The following ZC2HC1A variants were observed in gnomAD, a reference collection of about 807,000 sequenced individuals.
The protein encoded by ZC2HC1A is zinc finger C2HC-type containing 1A, also known as zinc finger C2HC domain-containing protein 1A.
ZC2HC1A carries 28 observed loss-of-function variants against 40.7 expected under a neutral mutation model. The ratio of observed to expected loss-of-function variants is 0.69; its 90% CI spans 0.51 to 0.94. ZC2HC1A has a LOEUF of 0.94. Among genes scored for constraint, ZC2HC1A ranks in the 40% least tolerant of loss-of-function variants. ZC2HC1A has a pLI of 0.00. For synonymous variants in ZC2HC1A, 129 were observed against 129.2 expected (o/e 1.00, Z 0.01); for missense variants, 389 against 386.3 (o/e 1.01, Z -0.06).
intron 2 of ZC2HC1A, among the ~76,000 whole-genome samples, chr8:78,678,206 A>G (rs1370941691): frequency 6.6e-6 from 1 of 152,166 alleles, no homozygotes; most frequent in Non-Finnish European, 1.5e-5. Context: ...AATGCAGTCC[A>G]GTAGGTTTCA....
chr8:78,711,375 T>A (rs1175605917), intron 7 of ZC2HC1A, among the ~76,000 whole-genome samples: 1 of 152,090 alleles, frequency 6.6e-6, no homozygotes, highest in African/African-American at 2.4e-5. Flanking sequence ...TCAAAATGTG[T>A]GTGTGTATAT....
intron 3 of ZC2HC1A, among the ~76,000 whole-genome samples, chr8:78,684,212 T>A (rs936548328): frequency 6.6e-6 from 1 of 152,218 alleles, no homozygotes; most frequent in Non-Finnish European, 1.5e-5. Context: ...ATTTTCATAC[T>A]GCTATGAAGA....
rs148803177 is a variant in ZC2HC1A at position 78,690,330 on chromosome 8, C to A, written c.504+957C>A. Reference sequence around the variant, plus strand: ...ATCCCAGCACTTTGGGAGGCCAAGGCGGGCAGATCACGATTGTCAGGAGAT... The same window carrying A: ...ATCCCAGCACTTTGGGAGGCCAAGGAGGGCAGATCACGATTGTCAGGAGAT... On this transcript the variant is annotated intron_variant, in intron 5 of 8. Coordinates refer to ENST00000263849, the MANE Select transcript of ZC2HC1A (RefSeq NM_016010.3). 4.9e-3 allele frequency among the ~76,000 whole-genome samples: 751 copies of A among 152,218 alleles called. 5 individuals are homozygous for A. Among genetic ancestry groups the A allele is most frequent in the African/African-American group, 0.017 (716 of 41,544 alleles).
intron 7 of ZC2HC1A, among the ~76,000 whole-genome samples, chr8:78,708,682 TC>T (rs1810860331): frequency 2.3e-5 from 3 of 132,228 alleles, no homozygotes; most frequent in Non-Finnish European, 3.3e-5. Flanking sequence ...CTTTTTTTTT[TC>T]TTTTTTTTTT....
At chr8:78,703,189 G>A (rs755086976) in intron 7 of ZC2HC1A, among the ~76,000 whole-genome samples, 42 of 152,214 alleles carry the variant, frequency 2.8e-4, no homozygotes, top group South Asian at 1.7e-3. Context: ...GAGCCACCGC[G>A]CCTGGCCCAT....
At chr8:78,687,462 TTATATA>T (rs915792673) in intron 4 of ZC2HC1A, among the ~76,000 whole-genome samples, 1 of 145,698 alleles carries the variant, frequency 6.9e-6, no homozygotes, top group Non-Finnish European at 1.5e-5. Context: ...ATATACATAA[TTATATA>T]TATATTTATA....
intron 1 of ZC2HC1A, among the ~76,000 whole-genome samples, chr8:78,668,958 G>A (rs138020395): frequency 6.6e-6 from 1 of 152,082 alleles, no homozygotes; most frequent in South Asian, 2.1e-4. Context: ...CAGACTGTCC[G>A]TTCCTCTTGT....
rs111666289 is a variant in ZC2HC1A at position 78,698,320 on chromosome 8, G to A, written c.605-94G>A. On this transcript the variant is annotated intron_variant, in intron 6 of 8. Transcript: ENST00000263849. ...TGAAAACTTGATTTATAGTTGCAAA[G>A]ATTATTACTAAAGCATTGTTTCCTT... is the stretch of plus-strand genomic sequence containing the variant. 3 of 1,049,432 alleles carry A rather than the reference G, an allele frequency of 2.9e-6. No homozygotes were observed. The African/African-American group carries it at 4.9e-5, about 17-fold the overall frequency. 65.0% of individuals were successfully genotyped at this position (1,049,432 alleles called of 1,614,324 possible). A position where few individuals can be genotyped will look rare whatever the true frequency, so the allele number is the denominator to read the frequency against.
chr8:78,666,170 G>T lies in ZC2HC1A; in HGVS notation c.16+6G>T, dbSNP rs368509395. On this transcript the variant is annotated splice_donor_region_variant and intron_variant, in intron 1 of 8. Transcript: ENST00000263849. Reference sequence around the variant, plus strand: ...CGCGATGGAGGGACTGGAAGGTGAGGCGATGAAGGGATGAGGGCAGGACGG... The same window carrying T: ...CGCGATGGAGGGACTGGAAGGTGAGTCGATGAAGGGATGAGGGCAGGACGG... 8 of 1,574,710 alleles carry T rather than the reference G, an allele frequency of 5.1e-6. No individual in the cohort carries two copies. In the African/African-American group the frequency reaches 8.0e-5, roughly 16 times the overall value.
At chr8:78,702,477 T>A (rs1810636306) in intron 7 of ZC2HC1A, among the ~76,000 whole-genome samples, 1 of 152,216 alleles carries the variant, frequency 6.6e-6, no homozygotes, top group South Asian at 2.1e-4. Flanking sequence ...TTAGCTCTGA[T>A]TTTGACTATT....
At chr8:78,699,609 T>A (rs1810536578) in intron 7 of ZC2HC1A, among the ~76,000 whole-genome samples, 1 of 152,132 alleles carries the variant, frequency 6.6e-6, no homozygotes, top group Non-Finnish European at 1.5e-5. Context: ...CCTGATTCTC[T>A]CTCTCCTCTT....
chr8:78,679,276 T>G (rs1480474258), intron 3 of ZC2HC1A: 1 of 152,168 alleles, frequency 6.6e-6, no homozygotes, highest in African/African-American at 2.4e-5. Context: ...ATCTGTTATA[T>G]ATTATAGTAA....
intron 1 of ZC2HC1A, among the ~76,000 whole-genome samples, chr8:78,673,118 A>G (rs1279850132): frequency 1.3e-5 from 2 of 151,878 alleles, no homozygotes; most frequent in East Asian, 1.9e-4. Flanking sequence ...CCCTGTGTCC[A>G]TGTGTTCTCA....
intron 7 of ZC2HC1A, among the ~76,000 whole-genome samples, chr8:78,703,471 A>G (rs1810671680): frequency 1.3e-5 from 2 of 150,784 alleles, no homozygotes; most frequent in African/African-American, 2.4e-5. Context: ...TGTTGGGTAC[A>G]TTTGTATTTA....
rs1055534944 is a variant in ZC2HC1A, at chr8:78,697,842, C to G, written c.604+336C>G. ...TATAGGCGGGTGCCACCATGCCCAC[C>G]TAATTTTTTGTATTTTTAATAGAGA... is the stretch of plus-strand genomic sequence containing the variant. On this transcript the variant is annotated intron_variant, in intron 6 of 8. Transcript: ENST00000263849. Among the ~76,000 whole-genome samples the G allele has an allele frequency of 4.0e-4, 61 of 151,908 alleles. 1 individual carries two copies. Among genetic ancestry groups the G allele is most frequent in the Non-Finnish European group, 1.0e-4 (7 of 67,972 alleles).
intron 7 of ZC2HC1A, among the ~76,000 whole-genome samples, chr8:78,711,494 T>A (rs2130603211): frequency 6.6e-6 from 1 of 152,196 alleles, no homozygotes; most frequent in South Asian, 2.1e-4. Flanking sequence ...ATAAAGTCAC[T>A]TTTTTGTTAG....
At chr8:78,675,984 T>G in intron 2 of ZC2HC1A, 121 bp downstream of exon 2, 1 of 755,258 alleles carries the variant, frequency 1.3e-6, no homozygotes, top group Non-Finnish European at 2.1e-6. Context: ...TGGGTACTAT[T>G]CTTTGTTCAA....
chr8:78,698,507 A>G lies in ZC2HC1A; in HGVS notation c.698A>G (p.His233Arg), dbSNP rs1810504114. 3 of 1,605,324 alleles carry G rather than the reference A, an allele frequency of 1.9e-6. No homozygotes were observed. Among genetic ancestry groups the G allele is most frequent in the South Asian group, 1.1e-5 (1 of 90,234 alleles). Residue 233 changes from histidine (H) to arginine (R), a missense_variant, in exon 7 of 9, where the codon CAT becomes CGT. Physicochemically the swap from His to Arg is conservative, Grantham distance 29. Coordinates refer to ENST00000263849, the MANE Select transcript of ZC2HC1A (RefSeq NM_016010.3). ...SPSHKGIAAP[H>R]AGANVKPRNS... Reference sequence around the variant, plus strand: ...TCTCATAAAGGGATAGCAGCCCCTCATGCAGGGTAAGTCTACACTGGATAT... The same window carrying G: ...TCTCATAAAGGGATAGCAGCCCCTCGTGCAGGGTAAGTCTACACTGGATAT...
chr8:78,706,419 A>T (rs923225636), intron 7 of ZC2HC1A, among the ~76,000 whole-genome samples: 1 of 152,098 alleles, frequency 6.6e-6, no homozygotes. Context: ...AAGACTCCCC[A>T]TATCTGTATG....
Sources: allele counts gnomAD v4.1 joint callset (sites outside exome capture counted in the v4.1 genomes callset), GRCh38; gene constraint gnomAD v4.1.1; transcripts MANE v1.5; gene names NCBI Gene and HGNC (gene_info 2026-07-23, HGNC 2026-07-21).